Variants in NRXN3 observed in about 807,000 individuals in gnomAD.
The protein encoded by NRXN3 is neurexin III.
A neutral mutation model predicts 137.6 loss-of-function variants in NRXN3; 32 were observed. That is an observed-to-expected ratio of 0.23 (90% CI 0.18 to 0.31). The LOEUF is 0.31. Ranked by LOEUF, NRXN3 falls within the 10% of genes least tolerant of loss-of-function variation. The probability of loss-of-function intolerance (pLI) is 1.00; values close to 1 mark genes in which losing one functional copy is unlikely to be tolerated. For missense variants in NRXN3, 1,574 were observed against 2,062.5 expected (o/e 0.76, Z 4.59); for synonymous variants, 798 against 784.5 (o/e 1.02, Z -0.29).
intron 4 of NRXN3, among the ~76,000 whole-genome samples, chr14:78,466,832 T>C (rs888163345): frequency 2.6e-5 from 4 of 152,198 alleles, no homozygotes; most frequent in African/African-American, 7.2e-5. Context: ...AACATGAGGA[T>C]AGAACAACTT....
chr14:79,388,620 A>C (rs894503848), intron 15 of NRXN3, among the ~76,000 whole-genome samples: 12 of 152,162 alleles, frequency 7.9e-5, no homozygotes, highest in Admixed American at 4.6e-4. Flanking sequence ...GACTCATGCT[A>C]GATCTCGGTT....
intron 15 of NRXN3, among the ~76,000 whole-genome samples, chr14:79,123,417 C>T (rs897044504): frequency 9.2e-5 from 14 of 152,152 alleles, no homozygotes; most frequent in Non-Finnish European, 2.1e-4. Flanking sequence ...TATAATAAAA[C>T]ATCCATATAA....
chr14:78,385,385 C>T (rs1275035276), intron 4 of NRXN3, among the ~76,000 whole-genome samples: 1 of 151,324 alleles, frequency 6.6e-6, no homozygotes, highest in African/African-American at 2.4e-5. Flanking sequence ...AACACATTTG[C>T]AAGCCAAAGT....
intron 16 of NRXN3, among the ~76,000 whole-genome samples, chr14:79,653,538 C>T (rs576476261): frequency 6.2e-4 from 94 of 152,224 alleles, no homozygotes; most frequent in African/African-American, 2.0e-3. Flanking sequence ...CCATCTTTTG[C>T]CAGAAGCCTC....
At chr14:78,796,654 G>A (rs1207096906) in intron 8 of NRXN3, among the ~76,000 whole-genome samples, 2 of 152,106 alleles carry the variant, frequency 1.3e-5, no homozygotes, top group African/African-American at 4.8e-5. Context: ...ATGGAAAGTT[G>A]TACATATTTG....
chr14:78,733,850 G>C, intron 8 of NRXN3, among the ~76,000 whole-genome samples: 1 of 152,170 alleles, frequency 6.6e-6, no homozygotes, highest in East Asian at 1.9e-4. Context: ...ATGATAAGAA[G>C]AAGGGGTACA....
Position 79,567,440 on chromosome 14 carries a change from C to T in NRXN3, c.3445-96338C>T, listed in dbSNP as rs147567242. Among the ~76,000 whole-genome samples, 955 of 152,102 alleles carry T rather than the reference C, an allele frequency of 6.3e-3. 12 individuals carry two copies. Among genetic ancestry groups the T allele is most frequent in the Middle Eastern group, 0.037 (11 of 294 alleles). On this transcript the variant is annotated intron_variant, in intron 16 of 20. Transcript: ENST00000335750. ...AATTACTTAAGTTTATTAAGAATCC[C>T]AGGATACCTCTTAGAATGGTAGAGG...
chr14:79,238,776 T>A (rs1017533448), intron 15 of NRXN3, among the ~76,000 whole-genome samples: 1 of 152,118 alleles, frequency 6.6e-6, no homozygotes, highest in Non-Finnish European at 1.5e-5. Context: ...TCATGTTGTG[T>A]TTCCATTATT....
At chr14:79,002,274 A>T (rs1171020568) in intron 15 of NRXN3, among the ~76,000 whole-genome samples, 5 of 152,132 alleles carry the variant, frequency 3.3e-5, no homozygotes, top group African/African-American at 4.8e-5. Flanking sequence ...TACATAGGTA[A>T]ACATATACTA....
chr14:79,148,309 G>C lies in NRXN3; in HGVS notation c.3262+160168G>C, dbSNP rs368284777. Among the ~76,000 whole-genome samples, 42 of 152,286 alleles carry C rather than the reference G, an allele frequency of 2.8e-4. No homozygotes were observed. In the Middle Eastern group the frequency reaches 0.01, roughly 37 times the overall value. Reference sequence around the variant, plus strand: ...GATTGAAAAGAGCCAACCATTCACAGATCTAGGGAGGCATGCTCCCAGAAG... The same window carrying C: ...GATTGAAAAGAGCCAACCATTCACACATCTAGGGAGGCATGCTCCCAGAAG... On this transcript the variant is annotated intron_variant, in intron 15 of 20. Coordinates refer to ENST00000335750, the MANE Select transcript of NRXN3 (RefSeq NM_001330195.2).
At chr14:79,433,564 T>C (rs1751837485) in intron 15 of NRXN3, among the ~76,000 whole-genome samples, 1 of 152,180 alleles carries the variant, frequency 6.6e-6, no homozygotes, top group African/African-American at 2.4e-5. Flanking sequence ...ATTCTCTTTT[T>C]CTTGTATTCC....
chr14:78,310,134 C>T (rs1172013774), intron 4 of NRXN3, among the ~76,000 whole-genome samples: 1 of 151,994 alleles, frequency 6.6e-6, no homozygotes, highest in African/African-American at 2.4e-5. Context: ...CTTGGCATAA[C>T]ATGAGAAAAC....
chr14:79,861,550 C>T lies in NRXN3; in HGVS notation c.4302C>T (p.Leu1434=), dbSNP rs2141960135. 6.4e-7 allele frequency: 1 copy of T among 1,568,880 alleles called. No homozygotes were observed. The highest frequency in any genetic ancestry group is 2.4e-5 in the East Asian group (1 of 42,046). ...CTGGCAAAATGAATAACCGTGATCT[C>T]AAACCCCAGCCTGATATAGTCTTGC... ...LPAGKMNNRD[L]KPQPDIVLLP... The change falls in exon 21 of 21, where the codon CTC becomes CTT. Residue 1434 remains leucine, a synonymous_variant. Coordinates refer to ENST00000335750, the MANE Select transcript of NRXN3 (RefSeq NM_001330195.2). This position sits in a 1 kb window ranked among gnomAD's most constrained non-coding sequence, Gnocchi z 5.4.
intron 6 of NRXN3, among the ~76,000 whole-genome samples, chr14:78,662,341 T>G (rs929183296): frequency 1.3e-5 from 2 of 152,028 alleles, no homozygotes; most frequent in African/African-American, 4.8e-5. Context: ...AAGATGCCTG[T>G]GCCCAAGGTT....
At chr14:79,527,651 TCACTTGA>T in intron 16 of NRXN3, among the ~76,000 whole-genome samples, 1 of 151,580 alleles carries the variant, frequency 6.6e-6, no homozygotes, top group Non-Finnish European at 1.5e-5. Context: ...GGTGGGAGGA[TCACTTGA>T]GTTCAGGAGT....
intron 4 of NRXN3, among the ~76,000 whole-genome samples, chr14:78,458,553 G>A (rs2094822997): frequency 1.3e-5 from 2 of 152,086 alleles, no homozygotes; most frequent in South Asian, 4.2e-4. Context: ...TTCTACTTTT[G>A]TGAATCTGTG....
At chr14:79,606,497 A>ACAG (rs2098019637) in intron 16 of NRXN3, among the ~76,000 whole-genome samples, 1 of 152,206 alleles carries the variant, frequency 6.6e-6, no homozygotes, top group Non-Finnish European at 1.5e-5. Flanking sequence ...AAAAGTGGGA[A>ACAG]CAGCAGCAGT....
intron 16 of NRXN3, among the ~76,000 whole-genome samples, chr14:79,534,319 CTTG>C (rs1179384169): frequency 2.0e-5 from 3 of 152,192 alleles, no homozygotes; most frequent in African/African-American, 4.8e-5. Context: ...AGAGCTATCT[CTTG>C]TTCCTTCGTT....
chr14:78,585,454 C>T (rs1173075488), intron 4 of NRXN3, among the ~76,000 whole-genome samples: 1 of 152,088 alleles, frequency 6.6e-6, no homozygotes, highest in Non-Finnish European at 1.5e-5. Flanking sequence ...TGAATATGCT[C>T]TGATTTATAC....
Sources: allele counts gnomAD v4.1 joint callset (sites outside exome capture counted in the v4.1 genomes callset), GRCh38; gene constraint gnomAD v4.1.1; non-coding constraint Gnocchi (gnomAD v3.1); transcripts MANE v1.5; gene names NCBI Gene and HGNC (gene_info 2026-07-23, HGNC 2026-07-21).